Variants in ITIH2 observed in about 807,000 individuals in gnomAD.
The protein encoded by ITIH2 is inter-alpha-trypsin inhibitor heavy chain H2.
A neutral mutation model predicts 104.4 loss-of-function variants in ITIH2; 103 were observed. That is an observed-to-expected ratio of 0.99 (90% CI 0.84 to 1.16). ITIH2 has a LOEUF of 1.16. ITIH2 is among the 50% of genes most tolerant of loss of function. ITIH2 has a pLI of 0.00. For synonymous variants in ITIH2, 436 were observed against 435.4 expected, an observed-to-expected ratio of 1.00 and a Z score of -0.02; for missense variants, 1,108 against 1,162.4, an observed-to-expected ratio of 0.95 and a Z score of 0.68.
intron 14 of ITIH2, among the ~76,000 whole-genome samples, chr10:7,733,709 C>A (rs2130957091): frequency 6.6e-6 from 1 of 152,222 alleles, no homozygotes; most frequent in Admixed American, 6.5e-5. Context: ...GATGGTTGAC[C>A]ACCTGCATCA....
intron 10 of ITIH2, among the ~76,000 whole-genome samples, 172 bp from the exon 11 acceptor site, chr10:7,727,531 G>C (rs921785558): frequency 3.9e-5 from 6 of 152,148 alleles, no homozygotes; most frequent in African/African-American, 1.4e-4. Context: ...CACTGCACTG[G>C]GGGACCACCA....
Position 7,744,225 on chromosome 10 carries a change from G to A in ITIH2, c.2353G>A (p.Gly785Ser), listed in dbSNP as rs199603399. The change falls in exon 18 of 21, where the codon GGT (glycine) becomes AGT (serine). Residue 785 changes from glycine (G) to serine (S), a missense_variant. Coordinates refer to ENST00000358415, the MANE Select transcript of ITIH2 (RefSeq NM_002216.3). ...CACTGAGACCATCACCCTGAGCCAT[G>A]GTTCTAGCACATTCTCCTTGTCCTG... ...ISTETITLSH[G>S]SSTFSLSWSD... 8.9e-5 allele frequency: 144 copies of A among 1,614,000 alleles called. No homozygotes were observed. Among genetic ancestry groups the A allele is most frequent in the Non-Finnish European group, 1.1e-4 (135 of 1,180,040 alleles).
intron 12 of ITIH2, among the ~76,000 whole-genome samples, chr10:7,730,699 C>G (rs181007789): frequency 6.6e-6 from 1 of 152,172 alleles, no homozygotes; most frequent in Non-Finnish European, 1.5e-5. Context: ...TGAAAAGACA[C>G]AAACTACTTG....
intron 15 of ITIH2, among the ~76,000 whole-genome samples, chr10:7,736,521 T>G (rs1349674325): frequency 6.6e-6 from 1 of 152,182 alleles, no homozygotes; most frequent in Non-Finnish European, 1.5e-5. Flanking sequence ...GTTTATACAT[T>G]TTAATTTTAA....
chr10:7,713,415 C>T (rs1370507135), intron 5 of ITIH2, 130 bp downstream of exon 5: 2 of 663,636 alleles, frequency 3.0e-6, no homozygotes, highest in African/African-American at 1.8e-5. Context: ...TCCTCAGAGC[C>T]AGATGTTAGA....
At chr10:7,712,961 A>T (rs979802773) in intron 4 of ITIH2, among the ~76,000 whole-genome samples, 1 of 149,952 alleles carries the variant, frequency 6.7e-6, no homozygotes, top group Non-Finnish European at 1.5e-5. Flanking sequence ...TCTACTAAAA[A>T]TACAAAAAAT....
chr10:7,733,661 C>T (rs1323588683), intron 14 of ITIH2, among the ~76,000 whole-genome samples: 1 of 152,174 alleles, frequency 6.6e-6, no homozygotes, highest in Admixed American at 6.5e-5. Context: ...AGCTGCATCT[C>T]AACTCTCCAA....
rs766906736 is a variant in ITIH2 at position 7,744,314 on chromosome 10, C to G, written c.2408+34C>G. ...GATTCCATCTGAACTTGGGCCTGTC[C>G]GTGACACACGACTGCATAAATAAAT... On this transcript the variant is annotated intron_variant, in intron 18 of 20. Coordinates refer to ENST00000358415, the MANE Select transcript of ITIH2 (RefSeq NM_002216.3). 2.6e-6 allele frequency: 4 copies of G among 1,511,412 alleles called. No individual in the cohort carries two copies. The South Asian group carries it at 3.4e-5, about 13-fold the overall frequency. 93.6% of individuals were successfully genotyped at this position (1,511,412 alleles called of 1,614,324 possible).
rs1044501419 is a variant in ITIH2, at chr10:7,707,182, G to A, written c.160-19G>A. 1.3e-6 allele frequency: 2 copies of A among 1,589,162 alleles called. No homozygotes were observed. The highest frequency in any genetic ancestry group is 1.7e-6 in the Non-Finnish European group (2 of 1,159,722). ...AGTGACATACAGTTGAAGAATGATT[G>A]TCTAACTTCCTTTCACAGAGAAGCC... On this transcript the variant is annotated intron_variant, in intron 2 of 20. Transcript: ENST00000358415.
rs1834926343 is a variant in ITIH2, at chr10:7,723,533, TGAGTGGCTCCATGTGGG to T, written c.955_971del (p.Gly319Ter). 1 of 1,613,638 alleles carries T rather than the reference TGAGTGGCTCCATGTGGG, an allele frequency of 6.2e-7. No individual in the cohort carries two copies. The highest frequency in any genetic ancestry group is 1.3e-5 in the African/African-American group (1 of 74,914). On this transcript the variant is annotated frameshift_variant, in exon 9 of 21. Coordinates refer to ENST00000358415, the MANE Select transcript of ITIH2 (RefSeq NM_002216.3). LOFTEE classifies it high-confidence loss of function. ...AAAAACATCCTCTTTGTCATCGATG[TGAGTGGCTCCATGTGGG>T]GAGTTAAAATGAAACAAGTAAGTAC...
At chr10:7,712,883 G>A (rs964666841) in intron 4 of ITIH2, among the ~76,000 whole-genome samples, 3 of 152,166 alleles carry the variant, frequency 2.0e-5, no homozygotes, top group Non-Finnish European at 2.9e-5. Context: ...CACTTTGGGA[G>A]GCCAAGCCAG....
At chr10:7,709,499 T>C (rs906713888) in intron 4 of ITIH2, among the ~76,000 whole-genome samples, 25 of 152,272 alleles carry the variant, frequency 1.6e-4, no homozygotes, top group African/African-American at 5.5e-4. Context: ...CCCTGGCTTA[T>C]AGGAAACCAC....
At chr10:7,743,868 AAAT>A (rs1464485899) in intron 17 of ITIH2, among the ~76,000 whole-genome samples, 1 of 151,952 alleles carries the variant, frequency 6.6e-6, no homozygotes, top group African/African-American at 2.4e-5. Context: ...AACTGATATA[AAAT>A]TATTAAATTA....
rs1334783602 is a variant in ITIH2, at chr10:7,738,199, A to AAATATTATATATTATATTCTATAT, written c.1958-329_1958-306dup. Among the ~76,000 whole-genome samples the AAATATTATATATTATATTCTATAT allele has an allele frequency of 4.6e-4, 31 of 67,314 alleles. 2 individuals are homozygous for AAATATTATATATTATATTCTATAT. Among genetic ancestry groups the AAATATTATATATTATATTCTATAT allele is most frequent in the South Asian group, 1.0e-3 (2 of 1,978 alleles). 44.2% of individuals were successfully genotyped at this position (67,314 alleles called of 152,430 possible). ...TATATATTATATATTATATTCTATA[A>AAATATTATATATTATATTCTATAT]AATATTATATATTATATTCTATATA... On this transcript the variant is annotated intron_variant, in intron 15 of 20. Coordinates refer to ENST00000358415, the MANE Select transcript of ITIH2 (RefSeq NM_002216.3).
intron 19 of ITIH2, among the ~76,000 whole-genome samples, chr10:7,745,736 ACTCC>A (rs1835169482): frequency 6.6e-6 from 1 of 150,872 alleles, no homozygotes; most frequent in Non-Finnish European, 1.5e-5. Context: ...ACAGAGGGAG[ACTCC>A]ATCTCTTAAA....
chr10:7,732,131 T>G (rs1588457904), intron 13 of ITIH2, 135 bp downstream of exon 13: 1 of 860,868 alleles, frequency 1.2e-6, no homozygotes, highest in East Asian at 2.5e-5. Context: ...CATGAGAATA[T>G]CTCTGCCATC....
intron 15 of ITIH2, among the ~76,000 whole-genome samples, chr10:7,737,281 A>T (rs1032944368): frequency 6.6e-6 from 1 of 151,080 alleles, no homozygotes; most frequent in African/African-American, 2.4e-5. Context: ...GGCACCCCCG[A>T]GGGTGCACAC....
rs137934801 is a variant in ITIH2 at position 7,744,254 on chromosome 10, C to T, written c.2382C>T (p.Ser794=). 129 of 1,613,902 alleles carry T rather than the reference C, an allele frequency of 8.0e-5. No homozygotes were observed. The African/African-American group carries it at 1.3e-3, about 16-fold the overall frequency. Residue 794 remains serine (S), a synonymous_variant, in exon 18 of 21, where the codon TCC becomes TCT. Coordinates refer to ENST00000358415, the MANE Select transcript of ITIH2 (RefSeq NM_002216.3). ...HGSSTFSLSW[S]DTAQVTNQRV... ...CTAGCACATTCTCCTTGTCCTGGTC[C>T]GACACGGCTCAAGTCACGAATCAGA...
chr10:7,730,247 C>T, intron 12 of ITIH2, 114 bp downstream of exon 12: 1 of 788,236 alleles, frequency 1.3e-6, no homozygotes, highest in Non-Finnish European at 2.0e-6. Context: ...ATGATCTCAG[C>T]CATATTTGGT....
Sources: gnomAD v4.1 joint callset for allele counts (sites outside exome capture counted in the v4.1 genomes callset) on GRCh38, gnomAD v4.1.1 for gene constraint, MANE v1.5 for transcripts, NCBI Gene and HGNC (gene_info 2026-07-23, HGNC 2026-07-21) for gene names.